Variants in CHD1 observed in about 807,000 individuals in gnomAD.
CHD1 encodes the protein ATP-dependent chromatin remodeler CHD1.
In CHD1, 36 loss-of-function variants were observed where a neutral mutation model predicts 224.2. The ratio of observed to expected loss-of-function variants is 0.16; its 90% CI spans 0.12 to 0.21. The LOEUF (loss-of-function observed/expected upper bound fraction) is 0.21. Ranked by LOEUF, CHD1 falls within the 10% of genes least tolerant of loss-of-function variation. The pLI is 1.00. For synonymous variants in CHD1, 668 were observed against 658.3 expected (o/e 1.01, Z -0.23); for missense variants, 1,378 against 1,994.8 (o/e 0.69, Z 5.89).
intron 2 of CHD1, among the ~76,000 whole-genome samples, chr5:98,925,130 GTTT>G (rs746820372): frequency 6.6e-6 from 1 of 151,680 alleles, no homozygotes; most frequent in African/African-American, 2.4e-5. Flanking sequence ...TGTAATTAAT[GTTT>G]TTTTTATATA....
At chr5:98,856,820 A>C in intron 35 of CHD1, 95 bp from the exon 36 acceptor site, 1 of 809,070 alleles carries the variant, frequency 1.2e-6, no homozygotes, top group Non-Finnish European at 1.9e-6. Flanking sequence ...ACCTTAAAAC[A>C]TGTTTTTAAT....
At chr5:98,861,755 G>A (rs989832596) in intron 32 of CHD1, among the ~76,000 whole-genome samples, 2 of 151,410 alleles carry the variant, frequency 1.3e-5, no homozygotes, top group Non-Finnish European at 1.5e-5. Flanking sequence ...GCCCACCTTG[G>A]CCTCCCAACG....
intron 33 of CHD1, among the ~76,000 whole-genome samples, chr5:98,859,229 A>C (rs932659419): frequency 1.3e-5 from 2 of 152,094 alleles, no homozygotes; most frequent in African/African-American, 4.8e-5. Flanking sequence ...TTCATTTTGA[A>C]ATAAATTGAC....
chr5:98,928,239 C>G (rs1452349515), intron 1 of CHD1, among the ~76,000 whole-genome samples: 1 of 152,026 alleles, frequency 6.6e-6, no homozygotes, highest in East Asian at 1.9e-4. Context: ...GACCCACGCA[C>G]CGGCTAAGTG....
At chr5:98,918,779 A>C (rs975295179) in intron 2 of CHD1, among the ~76,000 whole-genome samples, 1 of 151,648 alleles carries the variant, frequency 6.6e-6, no homozygotes, top group Non-Finnish European at 1.5e-5. Context: ...CAAAAAAAAA[A>C]ACTTCCTCTC....
chr5:98,906,797 T>C (rs137937420), intron 2 of CHD1, among the ~76,000 whole-genome samples: 1 of 152,352 alleles, frequency 6.6e-6, no homozygotes, highest in Admixed American at 6.5e-5. Context: ...TATTAAATTA[T>C]TCTGCTAGTA....
At position 98,854,981 on chromosome 5, in the gene CHD1, G is replaced by T. The variant is rs554739336; in HGVS notation, c.*1399C>A. ...TAATATCTGTAGGAAGCCAAAAGGG[G>T]CCAACAAAAATGTCTATGACCTAAG... On this transcript the variant is annotated 3_prime_UTR_variant, in exon 36 of 36. Coordinates refer to ENST00000614616, the MANE Select transcript of CHD1 (RefSeq NM_001270.4). 1.3e-5 allele frequency: 2 copies of T among 152,012 alleles called. No individual in the cohort carries two copies. Among genetic ancestry groups the T allele is most frequent in the African/African-American group, 4.8e-5 (2 of 41,374 alleles). 9.4% of individuals were successfully genotyped at this position (152,012 alleles called of 1,614,324 possible). A position where few individuals can be genotyped will look rare whatever the true frequency, so the allele number is the denominator to read the frequency against.
At chr5:98,857,095 T>G (rs1748090813) in intron 35 of CHD1, among the ~76,000 whole-genome samples, 1 of 152,098 alleles carries the variant, frequency 6.6e-6, no homozygotes, top group Admixed American at 6.6e-5. Context: ...ACCAGAGCCT[T>G]TTACCAACCT....
At chr5:98,864,444 C>A (rs1172979225) in intron 31 of CHD1, among the ~76,000 whole-genome samples, 1 of 140,872 alleles carries the variant, frequency 7.1e-6, no homozygotes, top group African/African-American at 2.7e-5. Flanking sequence ...CTTTGGGAGG[C>A]TGAGGCGGGA....
chr5:98,928,434 C>A, intron 1 of CHD1, 105 bp downstream of exon 1: 1 of 154,586 alleles, frequency 6.5e-6, no homozygotes, highest in South Asian at 2.0e-4. Flanking sequence ...GGCCTTCACC[C>A]GGCCGCTGGG....
At chr5:98,917,299 C>CAAAACAAAAAAAAA (rs1752795678) in intron 2 of CHD1, among the ~76,000 whole-genome samples, 4 of 119,850 alleles carry the variant, frequency 3.3e-5, no homozygotes, top group African/African-American at 1.2e-4. Flanking sequence ...AACAAAGAAA[C>CAAAACAAAAAAAAA]AAAAAAAAAA....
intron 4 of CHD1, among the ~76,000 whole-genome samples, chr5:98,903,288 T>A (rs1751841234): frequency 6.6e-6 from 1 of 152,124 alleles, no homozygotes; most frequent in Non-Finnish European, 1.5e-5. Context: ...AATTTTGAAT[T>A]TTTTCTTCAC....
intron 16 of CHD1, among the ~76,000 whole-genome samples, chr5:98,888,859 G>C (rs1034942697): frequency 1.3e-5 from 2 of 152,154 alleles, no homozygotes; most frequent in African/African-American, 4.8e-5. Context: ...CATGGTTTGA[G>C]AGACCTATTT....
intron 15 of CHD1, among the ~76,000 whole-genome samples, chr5:98,890,350 T>C (rs1418315128): frequency 6.6e-6 from 1 of 152,148 alleles, no homozygotes; most frequent in Non-Finnish European, 1.5e-5. Flanking sequence ...AAAACTGGAA[T>C]GAAAAGCAAA....
chr5:98,865,386 C>T (rs181985817), intron 31 of CHD1, among the ~76,000 whole-genome samples: 5 of 152,274 alleles, frequency 3.3e-5, no homozygotes, highest in South Asian at 2.1e-4. Context: ...AGAAATATAA[C>T]GGTGTGACTT....
chr5:98,872,996 G>T (rs1446955430), intron 26 of CHD1, among the ~76,000 whole-genome samples: 1 of 151,938 alleles, frequency 6.6e-6, no homozygotes, highest in Non-Finnish European at 1.5e-5. Context: ...TAATTTTTAT[G>T]TTTTCATTTT....
intron 15 of CHD1, 107 bp from the exon 16 acceptor site, chr5:98,889,345 A>C (rs1750854768): frequency 1.4e-6 from 1 of 740,238 alleles, no homozygotes; most frequent in South Asian, 2.2e-5. Flanking sequence ...CCAAAGTAAA[A>C]CTGTACCGTT....
At chr5:98,916,170 C>T (rs1413172877) in intron 2 of CHD1, among the ~76,000 whole-genome samples, 1 of 151,846 alleles carries the variant, frequency 6.6e-6, no homozygotes, top group African/African-American at 2.4e-5. Flanking sequence ...CCAGCCTAGG[C>T]AACAAGAGCA....
chr5:98,888,299 T>TA, intron 16 of CHD1, 59 bp from the exon 17 acceptor site: 1 of 1,217,500 alleles, frequency 8.2e-7, no homozygotes, highest in Non-Finnish European at 1.1e-6. Flanking sequence ...GTTGTCCACG[T>TA]AACACTTTAG....
Sources: gnomAD v4.1 joint callset for allele counts (sites outside exome capture counted in the v4.1 genomes callset) on GRCh38, gnomAD v4.1.1 for gene constraint, MANE v1.5 for transcripts, NCBI Gene and HGNC (gene_info 2026-07-23, HGNC 2026-07-21) for gene names.